Variants in LMO7 observed in about 807,000 individuals in gnomAD.
LMO7 encodes LIM domain only protein 7.
Under a neutral mutation model 206.5 loss-of-function variants are expected in LMO7, and 120 were observed. The observed-to-expected ratio is 0.58, with a 90% CI of 0.50 to 0.68. LMO7 has a LOEUF of 0.68. LMO7 is among the 30% of genes least tolerant of loss of function. The pLI is 0.00. For synonymous variants in LMO7, 706 were observed against 681.5 expected (o/e 1.04, Z -0.56); for missense variants, 1,959 against 1,957.9 (o/e 1.00, Z -0.01).
At chr13:75,658,898 A>G (rs1203207630) in intron 1 of LMO7, among the ~76,000 whole-genome samples, 2 of 152,078 alleles carry the variant, frequency 1.3e-5, no homozygotes, top group Non-Finnish European at 2.9e-5. Context: ...TTTCAGCTAT[A>G]TCTTCTAATT....
chr13:75,800,609 G>A lies in LMO7; in HGVS notation c.463-75G>A, dbSNP rs545508328. On this transcript the variant is annotated intron_variant, in intron 6 of 30. Transcript: ENST00000377534. ...AACCCAACTTAAATTAGGCAAACAA[G>A]CAAGTAATAACCGATTGATTATATT... The A allele has an allele frequency of 2.2e-4, 293 of 1,359,126 alleles. 1 individual carries two copies. In the African/African-American group the frequency reaches 3.9e-3, roughly 18 times the overall value. 84.2% of individuals were successfully genotyped at this position (1,359,126 alleles called of 1,614,324 possible). A position where few individuals can be genotyped will look rare whatever the true frequency, so the allele number is the denominator to read the frequency against.
intron 2 of LMO7, among the ~76,000 whole-genome samples, chr13:75,630,135 T>C (rs1373797208): frequency 1.3e-5 from 2 of 152,246 alleles, no homozygotes; most frequent in African/African-American, 4.8e-5. Flanking sequence ...GTAAATACTA[T>C]GTAGTTATAC....
chr13:75,732,377 A>G (rs1025352355), intron 3 of LMO7, among the ~76,000 whole-genome samples: 1 of 144,370 alleles, frequency 6.9e-6, no homozygotes, highest in Non-Finnish European at 1.5e-5. Context: ...CATTCATTTC[A>G]TCTTCCATCA....
At chr13:75,621,002 A>G (rs1358964947) in exon 1 of LMO7, 1 of 152,164 alleles carries the variant, frequency 6.6e-6, no homozygotes, top group Non-Finnish European at 1.5e-5. Context: ...TTGGTGTGAG[A>G]CCTGGTTTTA....
In LMO7 at chr13:75,853,237, C is replaced by T. The variant is rs146636938; in HGVS notation, c.4510C>T (p.Arg1504Cys). 540 of 1,614,014 alleles carry T rather than the reference C, an allele frequency of 3.3e-4. No homozygotes were observed. Among genetic ancestry groups the T allele is most frequent in the Non-Finnish European group, 4.2e-4 (493 of 1,180,044 alleles). The change falls in exon 28 of 31, where the codon CGT (arginine) becomes TGT (cysteine). Residue 1504 changes from arginine to cysteine, a missense_variant. By Grantham distance (180) the Arg-to-Cys change is radical. Coordinates refer to ENST00000377534, the MANE Select transcript of LMO7 (RefSeq NM_001306080.2). ...ACCTCAGCTGGTGTCCACATCAAACCGTGCCTACATGCGGAACCCCTCCTC... is the reference window on the plus strand; with the variant it reads ...ACCTCAGCTGGTGTCCACATCAAACTGTGCCTACATGCGGAACCCCTCCTC... ...PPPQLVSTSNRAYMRNPSSSV... is the reference protein window; with the variant it reads ...PPPQLVSTSNCAYMRNPSSSV...
chr13:75,728,788 G>A (rs2044768792), intron 3 of LMO7, among the ~76,000 whole-genome samples: 1 of 137,560 alleles, frequency 7.3e-6, no homozygotes, highest in African/African-American at 3.0e-5. Flanking sequence ...AATCCATCTT[G>A]AATTAATTTT....
At chr13:75,709,882 G>A (rs569398261) in intron 1 of LMO7, among the ~76,000 whole-genome samples, 93 of 152,298 alleles carry the variant, frequency 6.1e-4, no homozygotes, top group African/African-American at 2.2e-3. Context: ...TGATGCCTAT[G>A]TCCTGAATGG....
chr13:75,712,724 G>C (rs1190564919), intron 1 of LMO7, among the ~76,000 whole-genome samples: 1 of 152,108 alleles, frequency 6.6e-6, no homozygotes, highest in Non-Finnish European at 1.5e-5. Context: ...GCCCTCTGCT[G>C]TTTAGCTTTG....
At position 75,821,259 on chromosome 13, in the gene LMO7, C is replaced by A. The variant is rs768105995; in HGVS notation, c.2290C>A (p.Pro764Thr). 7 of 1,613,766 alleles carry A rather than the reference C, an allele frequency of 4.3e-6. No homozygotes were observed. Among genetic ancestry groups the A allele is most frequent in the East Asian group, 4.5e-5 (2 of 44,872 alleles). Residue 764 changes from proline to threonine, a missense_variant, in exon 14 of 31, where the codon CCC (proline) becomes ACC (threonine). By Grantham distance (38) the Pro-to-Thr change is conservative (BLOSUM62 -1). Coordinates refer to ENST00000377534, the MANE Select transcript of LMO7 (RefSeq NM_001306080.2). ...FDDVLEEGKR[P>T]PTMTVSEASY... ...TGATGTGCTGGAGGAAGGAAAGCGACCCCCTACAATGACTGTGTCAGAAGC... is the reference window on the plus strand; with the variant it reads ...TGATGTGCTGGAGGAAGGAAAGCGAACCCCTACAATGACTGTGTCAGAAGC...
At chr13:75,703,195 TTTTG>T (rs1286314163) in intron 1 of LMO7, among the ~76,000 whole-genome samples, 1 of 152,114 alleles carries the variant, frequency 6.6e-6, no homozygotes, top group African/African-American at 2.4e-5. Flanking sequence ...TGTTTGGTCT[TTTTG>T]TTTGTTTGTT....
intron 2 of LMO7, among the ~76,000 whole-genome samples, chr13:75,629,861 C>T (rs2034685644): frequency 6.6e-6 from 1 of 152,014 alleles, no homozygotes; most frequent in East Asian, 1.9e-4. Context: ...TCGTGCATGA[C>T]CCTCAAATTT....
chr13:75,805,799 T>C (rs1336792310), intron 9 of LMO7, 39 bp downstream of exon 9: 1 of 1,595,430 alleles, frequency 6.3e-7, no homozygotes, highest in East Asian at 2.2e-5. Context: ...CCAGTGTTCA[T>C]TCAGTACCCC....
chr13:75,845,097 G>A (rs17065126), intron 25 of LMO7, among the ~76,000 whole-genome samples: 5,551 of 152,238 alleles, frequency 0.036, 129 homozygotes, highest in Non-Finnish European at 0.052. Context: ...GTACTGTCAC[G>A]TGTTTGTATC....
chr13:75,821,527 C>T lies in LMO7; in HGVS notation c.2558C>T (p.Thr853Ile). The part of the protein sequence containing the change: ...SLPRSYRKTD[T>I]VRLTSVVTPR... ...CCCAGAAGTTACCGGAAAACTGATA[C>T]AGTCAGGTTAACATCTGTGGTCACA... Residue 853 changes from threonine to isoleucine, a missense_variant, in exon 14 of 31, where the codon ACA (threonine) becomes ATA (isoleucine). Thr to Ile is a moderately conservative substitution (Grantham distance 89). Coordinates refer to ENST00000377534, the MANE Select transcript of LMO7 (RefSeq NM_001306080.2). 2 of 1,613,940 alleles carry T rather than the reference C, an allele frequency of 1.2e-6. No homozygotes were observed. Among genetic ancestry groups the T allele is most frequent in the East Asian group, 2.2e-5 (1 of 44,872 alleles).
chr13:75,853,936 C>T (rs188335757), intron 28 of LMO7, among the ~76,000 whole-genome samples: 62 of 152,238 alleles, frequency 4.1e-4, no homozygotes, highest in Non-Finnish European at 6.9e-4. Context: ...TTTTTGATTG[C>T]GAAAATAATT....
rs2060060448 is a variant in LMO7, at chr13:75,847,068, T to C, written c.4150+1689T>C. On this transcript the variant is annotated intron_variant, in intron 26 of 30. Transcript: ENST00000377534. ...AAAAAGGCAACATTTCTTTAAAGTC[T>C]GACCAAATTGATAAGCTTTGTATGT... Among the ~76,000 whole-genome samples, 5 of 150,342 alleles carry C rather than the reference T, an allele frequency of 3.3e-5. No individual in the cohort carries two copies. The South Asian group carries it at 6.3e-4, about 19-fold the overall frequency.
chr13:75,806,260 A>C (rs1382193578), intron 9 of LMO7: 3 of 989,388 alleles, frequency 3.0e-6, no homozygotes, highest in African/African-American at 1.7e-5. Flanking sequence ...GGATGAGCCC[A>C]GGTGCCCCTG....
Position 75,729,598 on chromosome 13 carries a change from TCCTA to T in LMO7, c.210+2501_210+2504del, listed in dbSNP as rs1185289333. Among the ~76,000 whole-genome samples the T allele has an allele frequency of 1.2e-4, 18 of 150,844 alleles. No individual in the cohort carries two copies. In the East Asian group the frequency reaches 3.5e-3, roughly 29 times the overall value. On this transcript the variant is annotated intron_variant, in intron 3 of 30. Coordinates refer to ENST00000377534, the MANE Select transcript of LMO7 (RefSeq NM_001306080.2). ...ACAGGGACAATTTGACTTCCTCTTTTCCTAATTGAATACCCTTTATTTCCTTCTC... is the reference window on the plus strand; with the variant it reads ...ACAGGGACAATTTGACTTCCTCTTTTATTGAATACCCTTTATTTCCTTCTC...
chr13:75,834,703 A>G (rs2058976539), intron 17 of LMO7, among the ~76,000 whole-genome samples: 1 of 152,208 alleles, frequency 6.6e-6, no homozygotes, highest in Non-Finnish European at 1.5e-5. Flanking sequence ...AGTATTAAGA[A>G]TTATGCTATG....
Sources: gnomAD v4.1 joint callset for allele counts (sites outside exome capture counted in the v4.1 genomes callset) on GRCh38, gnomAD v4.1.1 for gene constraint, MANE v1.5 for transcripts, NCBI Gene and HGNC (gene_info 2026-07-23, HGNC 2026-07-21) for gene names.